Variants in MOB4 observed in about 807,000 individuals in gnomAD.
MOB4 encodes the protein MOB family member 4, phocein, also known as MOB-like protein phocein.
A neutral mutation model predicts 32.2 loss-of-function variants in MOB4; 4 were observed. The observed-to-expected ratio is 0.12, with a 90% CI of 0.06 to 0.28. MOB4 has a LOEUF of 0.28. MOB4 is among the 10% of genes least tolerant of loss of function. MOB4 has a pLI of 1.00. For synonymous variants in MOB4, 88 were observed against 88.1 expected, an observed-to-expected ratio of 1.00 and a Z score of 0.01; for missense variants, 158 against 271.2, an observed-to-expected ratio of 0.58 and a Z score of 2.93.
intron 2 of MOB4, among the ~76,000 whole-genome samples, chr2:197,526,277 T>G (rs1239356173): frequency 6.6e-6 from 1 of 152,212 alleles, no homozygotes; most frequent in Non-Finnish European, 1.5e-5. Context: ...ATGCTTTTTC[T>G]GCACCTATTG....
intron 1 of MOB4, among the ~76,000 whole-genome samples, chr2:197,522,722 A>G (rs2086543729): frequency 6.6e-6 from 1 of 152,080 alleles, no homozygotes; most frequent in East Asian, 1.9e-4. Flanking sequence ...TTCTTTTTAA[A>G]ATAATACTTA....
chr2:197,533,072 C>T (rs2086734885), intron 2 of MOB4, among the ~76,000 whole-genome samples: 1 of 152,142 alleles, frequency 6.6e-6, no homozygotes, highest in Non-Finnish European at 1.5e-5. Flanking sequence ...ACACTCCAGC[C>T]TGGGCGACAG....
chr2:197,532,022 G>A (rs779128534), intron 2 of MOB4, among the ~76,000 whole-genome samples: 79 of 151,890 alleles, frequency 5.2e-4, no homozygotes, highest in South Asian at 1.2e-3. Context: ...TGATTCTCCC[G>A]CCTCAGTCTC....
intron 1 of MOB4, among the ~76,000 whole-genome samples, chr2:197,518,813 T>A (rs2086463180): frequency 1.3e-5 from 2 of 152,128 alleles, no homozygotes; most frequent in African/African-American, 4.8e-5. Flanking sequence ...TGGAGTGCAG[T>A]GGCACGATCT....
At chr2:197,541,164 G>T (rs1042628881) in intron 5 of MOB4, among the ~76,000 whole-genome samples, 1 of 152,044 alleles carries the variant, frequency 6.6e-6, no homozygotes. Context: ...GTCTCCCAAA[G>T]TGCTGGGATT....
chr2:197,531,694 G>A (rs1341672157), intron 2 of MOB4, among the ~76,000 whole-genome samples: 1 of 151,700 alleles, frequency 6.6e-6, no homozygotes, highest in Non-Finnish European at 1.5e-5. Context: ...GCCTCCATGT[G>A]CCACCATGCC....
intron 1 of MOB4, among the ~76,000 whole-genome samples, chr2:197,518,265 C>CTTTCTTTCT (rs1559312426): frequency 6.6e-6 from 1 of 151,184 alleles, no homozygotes; most frequent in African/African-American, 2.4e-5. Context: ...TTCTTTCTTT[C>CTTTCTTTCT]TTTTTTTTGT....
chr2:197,538,320 A>G (rs2086837916), intron 3 of MOB4, among the ~76,000 whole-genome samples: 1 of 150,036 alleles, frequency 6.7e-6, no homozygotes, highest in African/African-American at 2.4e-5. Context: ...TGGGTTGTAT[A>G]TTAACTATCG....
At chr2:197,538,334 A>G (rs1015332707) in intron 3 of MOB4, among the ~76,000 whole-genome samples, 2 of 146,856 alleles carry the variant, frequency 1.4e-5, no homozygotes, top group Non-Finnish European at 3.0e-5. Flanking sequence ...ACTATCGTAT[A>G]TATTCTTTTA....
intron 5 of MOB4, among the ~76,000 whole-genome samples, chr2:197,543,953 T>C (rs1310693474): frequency 6.6e-6 from 1 of 152,152 alleles, no homozygotes; most frequent in East Asian, 1.9e-4. Context: ...TTGGCCAGGC[T>C]GGCCTCGAAC....
chr2:197,523,950 AC>A (rs1320817325), intron 2 of MOB4, among the ~76,000 whole-genome samples: 5 of 152,170 alleles, frequency 3.3e-5, no homozygotes, highest in African/African-American at 1.2e-4. Flanking sequence ...AGTTTAGTCA[AC>A]CCTCATTTTG....
chr2:197,544,669 C>T lies in MOB4; in HGVS notation c.355-3667C>T, dbSNP rs528568348. Among the ~76,000 whole-genome samples the T allele has an allele frequency of 1.6e-3, 246 of 151,098 alleles. 3 individuals carry two copies. The highest frequency in any genetic ancestry group is 5.2e-3 in the African/African-American group (214 of 41,276). ...TTGGGAGGCTGAGGCAGGAGAATGA[C>T]GTGAACCCTGCAGACGGAGCTTGCA... On this transcript the variant is annotated intron_variant, in intron 5 of 7. Coordinates refer to ENST00000323303, the MANE Select transcript of MOB4 (RefSeq NM_015387.5).
At chr2:197,545,292 A>G (rs1447109089) in intron 5 of MOB4, among the ~76,000 whole-genome samples, 1 of 152,250 alleles carries the variant, frequency 6.6e-6, no homozygotes, top group African/African-American at 2.4e-5. Context: ...GTATTTGCAT[A>G]TGACCTATGC....
In MOB4 at chr2:197,538,438, C is replaced by G. The variant is rs190977612; in HGVS notation, c.225-1673C>G. 1.1e-3 allele frequency among the ~76,000 whole-genome samples: 167 copies of G among 146,338 alleles called. 2 individuals carry two copies. The highest frequency in any genetic ancestry group is 4.1e-3 in the East Asian group (20 of 4,896). On this transcript the variant is annotated intron_variant, in intron 3 of 7. Transcript: ENST00000323303. Reference sequence around the variant, plus strand: ...TCCTTTATTGATTTGAGGCTGTATACTTGCCATTTTTAGTTAATGCAGTTG... The same window carrying G: ...TCCTTTATTGATTTGAGGCTGTATAGTTGCCATTTTTAGTTAATGCAGTTG...
chr2:197,533,774 G>T, intron 2 of MOB4: 1 of 506,824 alleles, frequency 2.0e-6, no homozygotes, highest in Non-Finnish European at 3.8e-6. Flanking sequence ...CTGTCATCAT[G>T]GTGTGTGCGT....
At chr2:197,546,020 A>T (rs1159455670) in intron 5 of MOB4, among the ~76,000 whole-genome samples, 1 of 152,100 alleles carries the variant, frequency 6.6e-6, no homozygotes, top group Non-Finnish European at 1.5e-5. Flanking sequence ...TACAATATTA[A>T]AATTAATTTC....
intron 1 of MOB4, chr2:197,516,478 G>A: frequency 3.0e-6 from 3 of 1,015,666 alleles, no homozygotes; most frequent in Non-Finnish European, 2.7e-6. Flanking sequence ...GACTAGCATT[G>A]GAGGGGCGCG....
At chr2:197,545,338 AC>A (rs1323457936) in intron 5 of MOB4, among the ~76,000 whole-genome samples, 10 of 152,260 alleles carry the variant, frequency 6.6e-5, no homozygotes, top group African/African-American at 2.4e-4. Flanking sequence ...TCTCTAGATT[AC>A]ATATAATACT....
chr2:197,516,386 G>A, intron 1 of MOB4: 1 of 1,411,824 alleles, frequency 7.1e-7, no homozygotes, highest in Non-Finnish European at 9.2e-7. Context: ...GGGTCTGCTG[G>A]TGGTACCTGC....
Sources: gnomAD v4.1 joint callset for allele counts (sites outside exome capture counted in the v4.1 genomes callset) on GRCh38, gnomAD v4.1.1 for gene constraint, MANE v1.5 for transcripts, NCBI Gene and HGNC (gene_info 2026-07-23, HGNC 2026-07-21) for gene names.